The following SBF2 variants were observed in gnomAD, a reference collection of about 807,000 sequenced individuals.
SBF2 encodes the protein SET binding factor 2.
SBF2 carries 112 observed loss-of-function variants against 225.2 expected under a neutral mutation model. That is an observed-to-expected ratio of 0.50 (90% CI 0.43 to 0.58). The LOEUF (loss-of-function observed/expected upper bound fraction) is 0.58. SBF2 is among the 20% of genes least tolerant of loss of function. The probability of loss-of-function intolerance (pLI) is 0.00; values close to 1 mark genes in which losing one functional copy is unlikely to be tolerated. For missense variants in SBF2, 1,996 were observed against 2,206.2 expected, an observed-to-expected ratio of 0.90 and a Z score of 1.91; for synonymous variants, 763 against 773.3, an observed-to-expected ratio of 0.99 and a Z score of 0.22.
At chr11:10,133,850 C>G (rs1385275729) in intron 2 of SBF2, among the ~76,000 whole-genome samples, 1 of 152,208 alleles carries the variant, frequency 6.6e-6, no homozygotes, top group Non-Finnish European at 1.5e-5. Context: ...TGAGGACTGC[C>G]AGCACGCTGT....
intron 2 of SBF2, among the ~76,000 whole-genome samples, chr11:10,183,870 G>A (rs750159526): frequency 1.3e-5 from 2 of 152,192 alleles, no homozygotes; most frequent in African/African-American, 4.8e-5. Context: ...GAAGAGATTG[G>A]TTAACAGACA....
At chr11:10,287,902 G>A (rs1015775056) in intron 1 of SBF2, among the ~76,000 whole-genome samples, 11 of 152,202 alleles carry the variant, frequency 7.2e-5, no homozygotes, top group South Asian at 2.1e-4. Flanking sequence ...GTAAGCGAGC[G>A]TACAGTCTGG....
intron 3 of SBF2, among the ~76,000 whole-genome samples, chr11:10,040,856 G>A (rs1949626871): frequency 6.6e-6 from 1 of 151,860 alleles, no homozygotes; most frequent in South Asian, 2.1e-4. Context: ...AACAACAGGT[G>A]AATATGGGTA....
chr11:9,914,597 A>G (rs1862916359), intron 16 of SBF2, among the ~76,000 whole-genome samples: 2 of 152,216 alleles, frequency 1.3e-5, no homozygotes, highest in African/African-American at 4.8e-5. Context: ...AGAAGGTTAC[A>G]CAGGGGAAAA....
chr11:9,912,282 A>AGCCTGG (rs1223279892), intron 16 of SBF2, among the ~76,000 whole-genome samples: 1 of 130,692 alleles, frequency 7.7e-6, no homozygotes, highest in Admixed American at 7.7e-5. Flanking sequence ...ACTGCACTCT[A>AGCCTGG]TAAATTTTTT....
chr11:10,076,238 A>G (rs1378587753), intron 2 of SBF2, among the ~76,000 whole-genome samples: 2 of 152,130 alleles, frequency 1.3e-5, no homozygotes, highest in Non-Finnish European at 2.9e-5. Flanking sequence ...TAAGTTGGAG[A>G]ACAGGGAGAC....
chr11:10,157,878 CAGA>C (rs1207650946), intron 2 of SBF2, among the ~76,000 whole-genome samples: 1 of 152,150 alleles, frequency 6.6e-6, no homozygotes, highest in Non-Finnish European at 1.5e-5. Context: ...CACCCAACAA[CAGA>C]AGGATAAACA....
intron 16 of SBF2, among the ~76,000 whole-genome samples, chr11:9,952,926 G>C (rs1001273662): frequency 6.6e-6 from 1 of 152,164 alleles, no homozygotes; most frequent in Non-Finnish European, 1.5e-5. Flanking sequence ...CTTCTACACT[G>C]CTGGTGGGAA....
chr11:10,200,524 C>T (rs1957533615), intron 1 of SBF2, among the ~76,000 whole-genome samples: 1 of 152,134 alleles, frequency 6.6e-6, no homozygotes, highest in Non-Finnish European at 1.5e-5. Flanking sequence ...TTGAATGAAA[C>T]ATGTAAATCC....
intron 2 of SBF2, among the ~76,000 whole-genome samples, chr11:10,063,911 A>C (rs1372253025): frequency 6.6e-6 from 1 of 151,466 alleles, no homozygotes; most frequent in Non-Finnish European, 1.5e-5. Context: ...GAGCTGTAAG[A>C]GAACTTCAAG....
chr11:9,821,656 G>A (rs1011863783), intron 28 of SBF2, among the ~76,000 whole-genome samples: 1 of 152,106 alleles, frequency 6.6e-6, no homozygotes, highest in Non-Finnish European at 1.5e-5. Flanking sequence ...TTAGTGGCTT[G>A]GGAAATCACT....
At chr11:10,009,722 G>A (rs1208401997) in intron 6 of SBF2, among the ~76,000 whole-genome samples, 3 of 152,124 alleles carry the variant, frequency 2.0e-5, no homozygotes, top group African/African-American at 4.8e-5. Context: ...ATAAACATAC[G>A]TGTGCATGTG....
At chr11:10,016,021 C>G (rs1449529311) in intron 6 of SBF2, among the ~76,000 whole-genome samples, 1 of 152,108 alleles carries the variant, frequency 6.6e-6, no homozygotes, top group Non-Finnish European at 1.5e-5. Context: ...AGGTGATCGA[C>G]CCGCCTCGGC....
chr11:10,219,510 T>C (rs1394320668), intron 1 of SBF2, among the ~76,000 whole-genome samples: 2 of 152,324 alleles, frequency 1.3e-5, no homozygotes, highest in East Asian at 3.9e-4. Context: ...ATTGTCTTGG[T>C]GATTAACATT....
chr11:10,119,130 A>T (rs949559484), intron 2 of SBF2, among the ~76,000 whole-genome samples: 2 of 152,114 alleles, frequency 1.3e-5, no homozygotes, highest in African/African-American at 4.8e-5. Context: ...CATACTCAGA[A>T]TATTTAAATG....
chr11:9,921,894 C>G (rs1315934104), intron 16 of SBF2, among the ~76,000 whole-genome samples: 1 of 152,132 alleles, frequency 6.6e-6, no homozygotes, highest in African/African-American at 2.4e-5. Context: ...CTTGCCACAA[C>G]AGAAGAAAAA....
At chr11:9,829,764 C>G (rs965693292) in intron 27 of SBF2, 3 of 425,102 alleles carry the variant, frequency 7.1e-6, no homozygotes, top group African/African-American at 6.1e-5. Flanking sequence ...AAAACCAGCA[C>G]AGGGCTACCC....
chr11:10,221,364 C>T (rs865923539), intron 1 of SBF2, among the ~76,000 whole-genome samples: 1 of 151,954 alleles, frequency 6.6e-6, no homozygotes, highest in Non-Finnish European at 1.5e-5. Context: ...GTGATCTGCC[C>T]GCCTCAGCCT....
intron 2 of SBF2, among the ~76,000 whole-genome samples, chr11:10,102,119 T>C (rs1473492072): frequency 6.6e-6 from 1 of 152,198 alleles, no homozygotes; most frequent in Non-Finnish European, 1.5e-5. Flanking sequence ...AATTTAGACA[T>C]TTGGTCTAAA....
Sources: gnomAD v4.1 joint callset for allele counts (sites outside exome capture counted in the v4.1 genomes callset) on GRCh38, gnomAD v4.1.1 for gene constraint, MANE v1.5 for transcripts, NCBI Gene and HGNC (gene_info 2026-07-23, HGNC 2026-07-21) for gene names.